SRP68: variants seen among roughly 807,000 people sequenced by gnomAD.
The protein encoded by SRP68 is signal recognition particle subunit SRP68.
In SRP68, 15 loss-of-function variants were observed where a neutral mutation model predicts 82.2. That is an observed-to-expected ratio of 0.18 (90% confidence interval 0.12 to 0.28). The LOEUF (loss-of-function observed/expected upper bound fraction) is 0.28, where lower values mean the gene tolerates loss of function less well. Among genes scored for constraint, SRP68 ranks in the 10% least tolerant of loss-of-function variants. The probability of loss-of-function intolerance (pLI) is 1.00; values close to 1 mark genes in which losing one functional copy is unlikely to be tolerated. For synonymous variants in SRP68, 261 were observed against 292.6 expected, an observed-to-expected ratio of 0.89 and a Z score of 1.10; for missense variants, 595 against 780.5, an observed-to-expected ratio of 0.76 and a Z score of 2.83.
At chr17:76,051,502 T>G (rs764486353) in intron 8 of SRP68, among the ~76,000 whole-genome samples, 19 of 152,204 alleles carry the variant, frequency 1.2e-4, no homozygotes, top group Non-Finnish European at 2.8e-4. Flanking sequence ...GAAAACCCAG[T>G]GCTGCCCACC....
intron 13 of SRP68, among the ~76,000 whole-genome samples, chr17:76,042,698 C>A (rs192449593): frequency 3.9e-4 from 59 of 152,262 alleles, no homozygotes; most frequent in African/African-American, 1.3e-3. Context: ...GATTCTCCTG[C>A]CTCAGCTTCT....
At chr17:76,063,022 G>A (rs568316278) in intron 4 of SRP68, among the ~76,000 whole-genome samples, 2 of 151,104 alleles carry the variant, frequency 1.3e-5, no homozygotes, top group Non-Finnish European at 2.9e-5. Context: ...TGCCCACCTT[G>A]GCCTCCCAAA....
chr17:76,072,408 G>GCCGCTA lies in SRP68; in HGVS notation c.78_83dup (p.Ser27_Gly28dup), dbSNP rs766727499. The GCCGCTA allele has an allele frequency of 5.0e-6, 8 of 1,595,772 alleles. No homozygotes were observed. The African/African-American group carries it at 8.1e-5, about 16-fold the overall frequency. ...CTTCCCCTCCGGCACCACGTCCACCGCCGCTACCGCCGCCGCCACTGCCAC... is the reference window on the plus strand; with the variant it reads ...CTTCCCCTCCGGCACCACGTCCACCGCCGCTACCGCTACCGCCGCCGCCACTGCCAC... On this transcript the variant is annotated inframe_insertion, in exon 1 of 16. Coordinates refer to ENST00000307877, the MANE Select transcript of SRP68 (RefSeq NM_014230.4). The surrounding 1 kb of genome is among the most constrained non-coding windows in gnomAD (Gnocchi z 4.5).
intron 8 of SRP68, among the ~76,000 whole-genome samples, chr17:76,052,803 CAAAA>C (rs1235799698): frequency 1.3e-5 from 1 of 76,332 alleles, no homozygotes; most frequent in African/African-American, 5.1e-5. Context: ...GACTCCATCT[CAAAA>C]AAAAAAAAAA....
chr17:76,042,935 A>G (rs1430941670), intron 13 of SRP68, among the ~76,000 whole-genome samples: 3 of 152,016 alleles, frequency 2.0e-5, no homozygotes, highest in Admixed American at 1.3e-4. Flanking sequence ...CAGACCCCCA[A>G]ATGGCCTGGG....
chr17:76,053,972 A>G lies in SRP68; in HGVS notation c.978+3431T>C, dbSNP rs536673389. Among the ~76,000 whole-genome samples, 12 of 152,328 alleles carry G rather than the reference A, an allele frequency of 7.9e-5. No individual in the cohort carries two copies. In the East Asian group the frequency reaches 2.1e-3, roughly 27 times the overall value. The stretch of plus-strand genomic sequence containing the variant: ...GACCAACCAGAACGTGCTCTTAAAC[A>G]TAAGTGGCAAAACTCCCTGCACAAA... On this transcript the variant is annotated intron_variant, in intron 8 of 15. Transcript: ENST00000307877.
chr17:76,067,363 C>T, intron 2 of SRP68, 33 bp from the exon 3 acceptor site: 2 of 1,469,406 alleles, frequency 1.4e-6, no homozygotes, highest in African/African-American at 1.4e-5. Flanking sequence ...CTCACTCAGC[C>T]AAGCTGAGAG....
chr17:76,050,919 G>C (rs1166976791), intron 8 of SRP68, among the ~76,000 whole-genome samples: 1 of 151,804 alleles, frequency 6.6e-6, no homozygotes, highest in African/African-American at 2.4e-5. Flanking sequence ...CTACACTGAA[G>C]CACAGCACAC....
intron 4 of SRP68, 57 bp downstream of exon 4, chr17:76,063,919 G>T: frequency 1.3e-6 from 2 of 1,482,422 alleles, no homozygotes; most frequent in Non-Finnish European, 9.2e-7. Context: ...TTTAACTGCA[G>T]CTTTTTAAAA....
rs749015182 is a variant in SRP68 at position 76,050,404 on chromosome 17, C to T, written c.1077+24G>A. ...GACCTGGACCCGCCCAGAGCAAGAACCAGGGCTCGGCTGAGGGTCCTACCT... is the reference window on the plus strand; with the variant it reads ...GACCTGGACCCGCCCAGAGCAAGAATCAGGGCTCGGCTGAGGGTCCTACCT... On this transcript the variant is annotated intron_variant, in intron 9 of 15. Coordinates refer to ENST00000307877, the MANE Select transcript of SRP68 (RefSeq NM_014230.4). 46 of 1,577,622 alleles carry T rather than the reference C, an allele frequency of 2.9e-5. No homozygotes were observed. In the South Asian group the frequency reaches 4.9e-4, roughly 17 times the overall value.
intron 10 of SRP68, among the ~76,000 whole-genome samples, chr17:76,046,877 C>A (rs1449206866): frequency 6.6e-6 from 1 of 151,850 alleles, no homozygotes; most frequent in Non-Finnish European, 1.5e-5. Flanking sequence ...GGAGGCGGAG[C>A]TTGCAGTGAG....
At chr17:76,045,513 A>G in intron 11 of SRP68, 127 bp from the exon 12 acceptor site, 1 of 656,742 alleles carries the variant, frequency 1.5e-6, no homozygotes, top group Non-Finnish European at 2.6e-6. Context: ...CGATGGGGAA[A>G]AGCCTGTGAA....
intron 2 of SRP68, among the ~76,000 whole-genome samples, chr17:76,067,994 C>A (rs139180015): frequency 0.012 from 1,791 of 152,028 alleles, 27 homozygotes; most frequent in African/African-American, 0.04. Flanking sequence ...GATGGCGGGG[C>A]CTAGAAAGAA....
intron 3 of SRP68, among the ~76,000 whole-genome samples, chr17:76,064,408 C>G (rs1369984757): frequency 6.6e-6 from 1 of 152,158 alleles, no homozygotes; most frequent in Non-Finnish European, 1.5e-5. Context: ...AAGCCTCTAC[C>G]ACCTCAAACA....
At chr17:76,070,571 T>G in intron 1 of SRP68, 127 bp from the exon 2 acceptor site, 1 of 826,726 alleles carries the variant, frequency 1.2e-6, no homozygotes, top group Non-Finnish European at 2.0e-6. Context: ...CCAGGTACGG[T>G]GGCTCATGCC....
At chr17:76,067,685 G>A (rs1175708102) in intron 2 of SRP68, among the ~76,000 whole-genome samples, 1 of 152,020 alleles carries the variant, frequency 6.6e-6, no homozygotes, top group Non-Finnish European at 1.5e-5. Flanking sequence ...GGCTGGTCTC[G>A]AAATCCTTGG....
At chr17:76,050,789 CTT>C (rs2066666851) in intron 8 of SRP68, among the ~76,000 whole-genome samples, 1 of 138,958 alleles carries the variant, frequency 7.2e-6, no homozygotes, top group Non-Finnish European at 1.6e-5. Context: ...TGATCTGAGA[CTT>C]AGCAAAGGCT....
At chr17:76,048,018 T>C (rs762103930) in intron 9 of SRP68, 48 bp from the exon 10 acceptor site, 2 of 1,339,106 alleles carry the variant, frequency 1.5e-6, no homozygotes. Flanking sequence ...ATGCTCTCCA[T>C]CGCTCTGACC....
chr17:76,070,845 C>A (rs1199497505), intron 1 of SRP68, among the ~76,000 whole-genome samples: 2 of 124,384 alleles, frequency 1.6e-5, no homozygotes, highest in East Asian at 4.1e-4. Context: ...GTCACACATG[C>A]ACATGCACAC....
Sources: allele counts gnomAD v4.1 joint callset (sites outside exome capture counted in the v4.1 genomes callset), GRCh38; gene constraint gnomAD v4.1.1; non-coding constraint Gnocchi (gnomAD v3.1); transcripts MANE v1.5; gene names NCBI Gene and HGNC (gene_info 2026-07-23, HGNC 2026-07-21).